BABAM2: variants seen among roughly 807,000 people sequenced by gnomAD.
BABAM2 encodes the protein BRISC and BRCA1-A complex member 2.
BABAM2 carries 31 observed loss-of-function variants against 54.7 expected under a neutral mutation model. That is an observed-to-expected ratio of 0.57 (90% CI 0.43 to 0.77). The LOEUF is 0.77. Among genes scored for constraint, BABAM2 ranks in the 30% least tolerant of loss-of-function variants. The probability of loss-of-function intolerance (pLI) is 0.00; values close to 1 mark genes in which losing one functional copy is unlikely to be tolerated. For synonymous variants in BABAM2, 167 were observed against 162.9 expected (o/e 1.03, Z -0.19); for missense variants, 364 against 455.8 (o/e 0.80, Z 1.83).
intron 3 of BABAM2, among the ~76,000 whole-genome samples, chr2:27,941,571 G>A (rs978865856): frequency 6.6e-6 from 1 of 151,640 alleles, no homozygotes; most frequent in African/African-American, 2.4e-5. Context: ...AAAAAAAAGA[G>A]CAATATAGTT....
chr2:28,016,539 C>T (rs946003097), intron 4 of BABAM2: 64 of 677,312 alleles, frequency 9.4e-5, no homozygotes, highest in Admixed American at 4.5e-5. Context: ...GAGAGATGGC[C>T]GAAGCGGGCC....
intron 3 of BABAM2, among the ~76,000 whole-genome samples, chr2:27,963,446 G>A (rs1276455568): frequency 6.9e-6 from 1 of 145,484 alleles, no homozygotes; most frequent in Non-Finnish European, 1.5e-5. Flanking sequence ...TTCCAGCCTG[G>A]GTGACAGAGA....
At chr2:28,123,153 T>A (rs1669220983) in intron 6 of BABAM2, among the ~76,000 whole-genome samples, 1 of 152,218 alleles carries the variant, frequency 6.6e-6, no homozygotes, top group Non-Finnish European at 1.5e-5. Context: ...TTGCTCTGTA[T>A]GTACTATGTT....
At position 28,279,831 on chromosome 2, in the gene BABAM2, T is replaced by A. The variant is rs527570733; in HGVS notation, c.935-18507T>A. ...ACAGGCATGCGCCACCACGCCTGGC[T>A]AATTTTGTATTTTTAGTAGAGATGG... On this transcript the variant is annotated intron_variant, in intron 10 of 11. Transcript: ENST00000379624. 3.3e-5 allele frequency among the ~76,000 whole-genome samples: 5 copies of A among 151,478 alleles called. No homozygotes were observed. The South Asian group carries it at 1.0e-3, about 32-fold the overall frequency.
At position 27,995,829 on chromosome 2, in the gene BABAM2, C is replaced by G. The variant is rs1246597252; in HGVS notation, c.300+7742C>G. ...TCTCCTGACCTCATGATCTGCCCAC[C>G]TCGGCCTCCCAAAGTGCTGGGATTA... On this transcript the variant is annotated intron_variant, in intron 4 of 11. Coordinates refer to ENST00000379624, the MANE Select transcript of BABAM2 (RefSeq NM_199191.3). The surrounding 1 kb of genome is among the most constrained non-coding windows in gnomAD (Gnocchi z 4.1). 2.0e-5 allele frequency among the ~76,000 whole-genome samples: 3 copies of G among 152,182 alleles called. No homozygotes were observed. The highest frequency in any genetic ancestry group is 2.9e-5 in the Non-Finnish European group (2 of 68,036).
At chr2:27,969,192 C>T (rs1671036741) in intron 3 of BABAM2, among the ~76,000 whole-genome samples, 1 of 152,176 alleles carries the variant, frequency 6.6e-6, no homozygotes, top group South Asian at 2.1e-4. Context: ...TTCTCCTTGC[C>T]TTCTGCCATG....
intron 4 of BABAM2, among the ~76,000 whole-genome samples, chr2:28,011,684 A>C (rs1353363187): frequency 6.6e-6 from 1 of 152,198 alleles, no homozygotes; most frequent in Non-Finnish European, 1.5e-5. Context: ...GAGCCTGCAG[A>C]TGTTTCTCCA....
chr2:28,298,963 T>A (rs967257760), intron 11 of BABAM2, among the ~76,000 whole-genome samples: 3 of 152,358 alleles, frequency 2.0e-5, no homozygotes, highest in Non-Finnish European at 4.4e-5. Context: ...TGGCAGCTAC[T>A]TTTTATAGTT....
intron 2 of BABAM2, among the ~76,000 whole-genome samples, chr2:27,917,110 T>C (rs921513649): frequency 2.0e-5 from 3 of 149,632 alleles, no homozygotes; most frequent in African/African-American, 7.4e-5. Flanking sequence ...TTCCGCCTCC[T>C]GGGTTCAAGC....
intron 7 of BABAM2, among the ~76,000 whole-genome samples, chr2:28,215,993 G>A (rs1679885812): frequency 6.6e-6 from 1 of 152,136 alleles, no homozygotes; most frequent in Non-Finnish European, 1.5e-5. Flanking sequence ...TGAATCCAAA[G>A]TAATGCTAAT....
At chr2:27,936,022 G>A (rs907967210) in intron 3 of BABAM2, among the ~76,000 whole-genome samples, 3 of 152,108 alleles carry the variant, frequency 2.0e-5, no homozygotes, top group African/African-American at 4.8e-5. Context: ...AGGTTCAGGC[G>A]ATTCTTCTGC....
chr2:27,918,891 T>C (rs535156976), intron 2 of BABAM2, among the ~76,000 whole-genome samples: 1 of 152,266 alleles, frequency 6.6e-6, no homozygotes, highest in African/African-American at 2.4e-5. Context: ...GGTTTCTCCA[T>C]GTTGCCCAGG....
intron 10 of BABAM2, among the ~76,000 whole-genome samples, chr2:28,253,237 TAAAAAA>T: frequency 6.8e-6 from 1 of 146,186 alleles, no homozygotes; most frequent in South Asian, 2.2e-4. Flanking sequence ...CTGCCTCTAC[TAAAAAA>T]AAAAGAAAAT....
intron 10 of BABAM2, among the ~76,000 whole-genome samples, chr2:28,267,206 C>T (rs1685054289): frequency 1.3e-5 from 2 of 152,082 alleles, no homozygotes. Flanking sequence ...CCTATGTACC[C>T]TTCACCCACT....
chr2:28,262,241 G>A (rs1684602599), intron 10 of BABAM2, among the ~76,000 whole-genome samples: 2 of 152,108 alleles, frequency 1.3e-5, no homozygotes, highest in African/African-American at 4.8e-5. Context: ...GCAGTCAGAG[G>A]GCAGAACACA....
At chr2:27,919,914 A>T (rs1407150785) in intron 2 of BABAM2, among the ~76,000 whole-genome samples, 1 of 152,222 alleles carries the variant, frequency 6.6e-6, no homozygotes, top group Non-Finnish European at 1.5e-5. Flanking sequence ...TTGACGCCAC[A>T]TGAACTGGCA....
intron 10 of BABAM2, among the ~76,000 whole-genome samples, chr2:28,246,653 T>C (rs576574917): frequency 6.6e-6 from 1 of 152,368 alleles, no homozygotes; most frequent in East Asian, 1.9e-4. Context: ...CTGTCTTTTT[T>C]CCTGAATCTT....
intron 3 of BABAM2, among the ~76,000 whole-genome samples, chr2:27,941,401 A>G (rs774653876): frequency 1.3e-5 from 2 of 152,140 alleles, no homozygotes; most frequent in Admixed American, 6.5e-5. Context: ...CTAAAAATAC[A>G]AAAGATTAGC....
At chr2:28,210,517 G>A (rs1573850660) in intron 7 of BABAM2, among the ~76,000 whole-genome samples, 1 of 152,184 alleles carries the variant, frequency 6.6e-6, no homozygotes, top group Non-Finnish European at 1.5e-5. Context: ...TTTGGCAAAG[G>A]TGGTACCAGG....
Sources: allele counts gnomAD v4.1 joint callset (sites outside exome capture counted in the v4.1 genomes callset), GRCh38; gene constraint gnomAD v4.1.1; non-coding constraint Gnocchi (gnomAD v3.1); transcripts MANE v1.5; gene names NCBI Gene and HGNC (gene_info 2026-07-23, HGNC 2026-07-21).